The following SPIN3 variants were observed in gnomAD, a reference collection of about 807,000 sequenced individuals.
SPIN3 encodes spindlin-3.
For missense variants in SPIN3, 176 were observed against 196.4 expected (o/e 0.90, Z 0.62); for synonymous variants, 74 against 74.3 (o/e 1.00, Z 0.02).
At chrX:56,987,182 A>G (rs1032303667), downstream of SPIN3, among the ~76,000 whole-genome samples, 9 of 112,119 alleles carry the variant, frequency 8.0e-5, no homozygotes, top group Non-Finnish European at 3.8e-5. Context: ...AAAACTCCAA[A>G]AACATACCAG....
At position 56,992,550 on chromosome X, in the gene SPIN3, C is replaced by A. The variant is rs189746560; in HGVS notation, c.*1621G>T. The A allele has an allele frequency of 1.4e-5, 4 of 295,216 alleles. No individual in the cohort carries two copies. The highest frequency in any genetic ancestry group is 2.4e-5 in the Non-Finnish European group (4 of 169,930). 24.3% of individuals were successfully genotyped at this position (295,216 alleles called of 1,213,427 possible). On this transcript the variant is annotated 3_prime_UTR_variant, in exon 2 of 2. Transcript: ENST00000374919. ...TCCTCAGCAGGATGCCAATCTGTGCCGGTAGTCTGGACTCCATGACCTGTG... is the reference window on the plus strand; with the variant it reads ...TCCTCAGCAGGATGCCAATCTGTGCAGGTAGTCTGGACTCCATGACCTGTG...
chrX:56,985,249 G>C (rs1924199929), intron 2 of SPIN3, among the ~76,000 whole-genome samples: 1 of 111,908 alleles, frequency 8.9e-6, no homozygotes, highest in Admixed American at 9.5e-5. Context: ...CATAAGTGAG[G>C]TCAATTCTCT....
chrX:56,977,518 T>G (rs1457743976), intron 5 of SPIN3: 1 of 112,082 alleles, frequency 8.9e-6, no homozygotes, highest in African/African-American at 3.2e-5. Context: ...ATAGATGGAT[T>G]TAATGTACAG....
chrX:56,980,107 C>T (rs1192478180), intron 3 of SPIN3: 1 of 111,601 alleles, frequency 9.0e-6, no homozygotes, highest in Non-Finnish European at 1.9e-5. Context: ...TGTAACTATT[C>T]GGAAGAGAAG....
rs1467822144 is a variant in SPIN3, at chrX:56,991,997, C to T, written c.*2174G>A. 1 of 293,791 alleles carries T rather than the reference C, an allele frequency of 3.4e-6. No homozygotes were observed. Among genetic ancestry groups the T allele is most frequent in the Non-Finnish European group, 5.9e-6 (1 of 168,973 alleles). The allele number at this position is 293,791 out of a possible 1,213,427, so 24.2% of individuals were successfully genotyped here. ...TTTGAACTATATGACCTCACCCCCACCCCATCAACTATTAAACTCCAAGGG... is the reference window on the plus strand; with the variant it reads ...TTTGAACTATATGACCTCACCCCCATCCCATCAACTATTAAACTCCAAGGG... On this transcript the variant is annotated 3_prime_UTR_variant, in exon 2 of 2. Transcript: ENST00000374919.
Position 56,994,280 on chromosome X carries a change from T to C in SPIN3, c.668A>G (p.Lys223Arg). ...CTGATGAATGACCATGCCAGTTCTC[T>C]TGGAGCCATCGTCTTTGGCGTATTC... ...QVEYAKDDGS[K>R]RTGMVIHQVE... Residue 223 changes from lysine (K) to arginine (R), a missense_variant, in exon 2 of 2, where the codon AAG becomes AGG. By Grantham distance (26) the Lys-to-Arg change is conservative (BLOSUM62 2). Transcript: ENST00000374919. 1 of 1,212,084 alleles carries C rather than the reference T, an allele frequency of 8.3e-7. No homozygotes were observed. Among genetic ancestry groups the C allele is most frequent in the South Asian group, 1.8e-5 (1 of 56,985 alleles).
At chrX:56,984,602 C>T in intron 2 of SPIN3, 1 of 302,961 alleles carries the variant, frequency 3.3e-6, no homozygotes, top group South Asian at 3.0e-5. Flanking sequence ...AGACATCACA[C>T]TTCGTTTACC....
intron 3 of SPIN3, among the ~76,000 whole-genome samples, chrX:56,983,292 A>G (rs1924156575): frequency 9.0e-6 from 1 of 111,642 alleles, no homozygotes; most frequent in African/African-American, 3.3e-5. Flanking sequence ...AGCTAGTGGT[A>G]CTCATGTGTG....
Position 56,994,148 on chromosome X carries a change from T to C in SPIN3, c.*23A>G. On this transcript the variant is annotated 3_prime_UTR_variant, in exon 2 of 2. Transcript: ENST00000374919. ...GTCTACAGATTTAGAGTCTCATATA[T>C]TTGGCAAATTTCAAGATGACCTCTA... 1 of 1,168,321 alleles carries C rather than the reference T, an allele frequency of 8.6e-7. No individual in the cohort carries two copies. Among genetic ancestry groups the C allele is most frequent in the Non-Finnish European group, 1.1e-6 (1 of 870,491 alleles).
Position 56,995,197 on chromosome X carries a change from G to A in SPIN3, c.-3+19C>T, listed in dbSNP as rs1924464721. On this transcript the variant is annotated intron_variant, in intron 1 of 1. Transcript: ENST00000374919. ...TACGAAGCGTTTCCCCATTCCCCTC[G>A]CCCTGCTTCCAACACTACCCGGCCA... The A allele has an allele frequency of 5.9e-6, 2 of 339,106 alleles. No homozygotes were observed. The highest frequency in any genetic ancestry group is 1.8e-4 in the South Asian group (2 of 11,032). The allele number at this position is 339,106 out of a possible 1,213,427, so 27.9% of individuals were successfully genotyped here.
chrX:56,987,495 A>T (rs1264529588), downstream of SPIN3, among the ~76,000 whole-genome samples: 1 of 111,258 alleles, frequency 9.0e-6, no homozygotes, highest in African/African-American at 3.3e-5. Context: ...TCTTCATACA[A>T]CTTATCACTC....
chrX:56,991,482 T>G lies in SPIN3; in HGVS notation c.*2689A>C, dbSNP rs979385682. The G allele has an allele frequency of 1.8e-5, 2 of 112,313 alleles. No homozygotes were observed. Among genetic ancestry groups the G allele is most frequent in the African/African-American group, 6.5e-5 (2 of 30,944 alleles). The allele number at this position is 112,313 out of a possible 1,213,427, so 9.3% of individuals were successfully genotyped here. A position where few individuals can be genotyped will look rare whatever the true frequency, so the allele number is the denominator to read the frequency against. The stretch of plus-strand genomic sequence containing the variant: ...CCTCCCAAGCATAAGATTGAATGAG[T>G]GTAAGAGAAGATGGGTAGAACTTTC... On this transcript the variant is annotated 3_prime_UTR_variant, in exon 2 of 2. Transcript: ENST00000374919.
downstream of SPIN3, among the ~76,000 whole-genome samples, chrX:56,989,229 G>A (rs1209122239): frequency 9.0e-6 from 1 of 111,315 alleles, no homozygotes; most frequent in Non-Finnish European, 1.9e-5. Flanking sequence ...AAAGATGGCT[G>A]CATATCAACT....
At chrX:56,980,234 A>T (rs1031029388) in intron 3 of SPIN3, 1 of 111,847 alleles carries the variant, frequency 8.9e-6, no homozygotes, top group Non-Finnish European at 1.9e-5. Context: ...ATTTTAGAAC[A>T]AGAATTAAAA....
At position 56,994,076 on chromosome X, in the gene SPIN3, G is replaced by T; in HGVS notation, c.*95C>A. ...TTTTGCCAAGCAAAACGTGCAAAAA[G>T]GGAGAAGATGGTTCTTACAAACTGG... On this transcript the variant is annotated 3_prime_UTR_variant, in exon 2 of 2. Coordinates refer to ENST00000374919, the MANE Select transcript of SPIN3 (RefSeq NM_001010862.3). 4.2e-6 allele frequency: 4 copies of T among 942,782 alleles called. No individual in the cohort carries two copies. Among genetic ancestry groups the T allele is most frequent in the Non-Finnish European group, 5.7e-6 (4 of 706,442 alleles). 77.7% of individuals were successfully genotyped at this position (942,782 alleles called of 1,213,427 possible).
At chrX:56,980,657 A>G (rs1924097713) in intron 3 of SPIN3, among the ~76,000 whole-genome samples, 1 of 110,186 alleles carries the variant, frequency 9.1e-6, no homozygotes, top group African/African-American at 3.3e-5. Flanking sequence ...AGTCAGACAT[A>G]CTGATTTAAG....
intron 3 of SPIN3, chrX:56,980,420 TG>T (rs1924090833): frequency 9.0e-6 from 1 of 110,748 alleles, no homozygotes; most frequent in South Asian, 3.8e-4. Context: ...GTACACTATA[TG>T]GGTAAAAATT....
At chrX:56,980,407 A>G (rs923691691) in intron 3 of SPIN3, 3 of 111,230 alleles carry the variant, frequency 2.7e-5, no homozygotes, top group African/African-American at 9.8e-5. Flanking sequence ...AAATACTGGC[A>G]TAGTACACTA....
chrX:56,986,986 C>G (rs1393973576), downstream of SPIN3, among the ~76,000 whole-genome samples: 2 of 111,744 alleles, frequency 1.8e-5, no homozygotes, highest in Non-Finnish European at 3.8e-5. Flanking sequence ...ACAAAATTAA[C>G]CAGGCATGGT....
Sources: allele counts gnomAD v4.1 joint callset (sites outside exome capture counted in the v4.1 genomes callset), GRCh38; gene constraint gnomAD v4.1.1; transcripts MANE v1.5; gene names NCBI Gene and HGNC (gene_info 2026-07-23, HGNC 2026-07-21).